Variants in GANC observed in about 807,000 individuals in gnomAD.
GANC encodes the protein glucosidase alpha, neutral C.
GANC carries 117 observed loss-of-function variants against 124.2 expected under a neutral mutation model. That is an observed-to-expected ratio of 0.94 (90% CI 0.81 to 1.10). The LOEUF (loss-of-function observed/expected upper bound fraction) is 1.10. GANC is among the 50% of genes least tolerant of loss of function. The probability of loss-of-function intolerance (pLI) is 0.00; values close to 1 mark genes in which losing one functional copy is unlikely to be tolerated. For missense variants in GANC, 1,140 were observed against 1,095.0 expected (o/e 1.04, Z -0.58); for synonymous variants, 377 against 376.8 (o/e 1.00, Z -0.01).
At position 42,284,062 on chromosome 15, in the gene GANC, C is replaced by T. The variant is rs527727492; in HGVS notation, c.202-3629C>T. 24 of 694,694 alleles carry T rather than the reference C, an allele frequency of 3.5e-5. No individual in the cohort carries two copies. In the Admixed American group the frequency reaches 4.0e-4, roughly 12 times the overall value. The allele number at this position is 694,694 out of a possible 1,614,324, so 43.0% of individuals were successfully genotyped here. A position where few individuals can be genotyped will look rare whatever the true frequency, so the allele number is the denominator to read the frequency against. On this transcript the variant is annotated intron_variant, in intron 3 of 23. Transcript: ENST00000318010. ...CTTGATCACAGCTGGTAGAGGTGGC[C>T]ACTCACTGTTCTATGTCTTTTAGGT...
chr15:42,289,869 A>C (rs1171075042), intron 4 of GANC, among the ~76,000 whole-genome samples: 1 of 152,210 alleles, frequency 6.6e-6, no homozygotes, highest in Non-Finnish European at 1.5e-5. Context: ...GCTCTAATCC[A>C]TTATACCTGG....
chr15:42,329,430 A>T lies in GANC; in HGVS notation c.1625A>T (p.Asn542Ile). 6.2e-7 allele frequency: 1 copy of T among 1,610,982 alleles called. No homozygotes were observed. The highest frequency in any genetic ancestry group is 1.1e-5 in the South Asian group (1 of 90,424). ...AATTGGGAGCACAGAGAGCTCCACA[A>T]CATCTACGGTTTTTATCATGTAAGA... ...HGNWEHRELH[N>I]IYGFYHQMAT... Residue 542 changes from asparagine (N) to isoleucine (I), a missense_variant, in exon 14 of 24, where the codon AAC becomes ATC. By Grantham distance (149) the Asn-to-Ile change is moderately radical. Coordinates refer to ENST00000318010, the MANE Select transcript of GANC (RefSeq NM_198141.3).
rs369278614 is a variant in GANC at position 42,290,068 on chromosome 15, A to G, written c.329+2250A>G. 2.4e-4 allele frequency among the ~76,000 whole-genome samples: 36 copies of G among 152,346 alleles called. No homozygotes were observed. In the East Asian group the frequency reaches 4.0e-3, roughly 17 times the overall value. ...TGAGAAAATAAATTTCTGTTGTTCA[A>G]GCTACCCAGTTTCTGATATTTTCTT... On this transcript the variant is annotated intron_variant, in intron 4 of 23. Transcript: ENST00000318010.
At chr15:42,315,112 G>A (rs1182647081) in intron 10 of GANC, among the ~76,000 whole-genome samples, 1 of 152,020 alleles carries the variant, frequency 6.6e-6, no homozygotes, top group Non-Finnish European at 1.5e-5. Context: ...CCTATCCTTT[G>A]TGCTCAACTT....
intron 22 of GANC, among the ~76,000 whole-genome samples, chr15:42,350,522 G>T (rs184425841): frequency 6.8e-6 from 1 of 148,000 alleles, no homozygotes; most frequent in East Asian, 2.0e-4. Context: ...TTGGCCACCA[G>T]TTAGCTGTTC....
At chr15:42,305,976 G>A (rs1320015360) in intron 6 of GANC, among the ~76,000 whole-genome samples, 2 of 151,888 alleles carry the variant, frequency 1.3e-5, no homozygotes, top group African/African-American at 4.8e-5. Context: ...ATAGCATTAG[G>A]AGTAATACCT....
At chr15:42,343,621 C>T (rs2052343354) in intron 19 of GANC, among the ~76,000 whole-genome samples, 2 of 152,180 alleles carry the variant, frequency 1.3e-5, no homozygotes, top group Non-Finnish European at 2.9e-5. Flanking sequence ...CTCCCACATT[C>T]CTCTGCTCTT....
intron 12 of GANC, among the ~76,000 whole-genome samples, chr15:42,326,651 A>C (rs1390532517): frequency 3.9e-5 from 6 of 152,222 alleles, no homozygotes; most frequent in African/African-American, 1.4e-4. Context: ...TGAATGAAAA[A>C]TAAACAAGCA....
intron 3 of GANC, among the ~76,000 whole-genome samples, chr15:42,283,267 T>G (rs887664515): frequency 3.3e-5 from 5 of 152,240 alleles, no homozygotes; most frequent in African/African-American, 1.2e-4. Flanking sequence ...TATAGTGTTG[T>G]GCTTATTCCT....
At chr15:42,275,456 G>A (rs2051659571) in intron 1 of GANC, among the ~76,000 whole-genome samples, 1 of 152,184 alleles carries the variant, frequency 6.6e-6, no homozygotes, top group African/African-American at 2.4e-5. Flanking sequence ...GTATGGCCAA[G>A]TATATCTGCC....
intron 3 of GANC, among the ~76,000 whole-genome samples, chr15:42,285,892 C>T (rs1240575889): frequency 6.6e-6 from 1 of 152,156 alleles, no homozygotes; most frequent in East Asian, 1.9e-4. Flanking sequence ...TGAGGATTAA[C>T]TCTGATTTAT....
intron 16 of GANC, among the ~76,000 whole-genome samples, chr15:42,339,448 C>G (rs943523342): frequency 6.6e-6 from 1 of 151,974 alleles, no homozygotes; most frequent in Non-Finnish European, 1.5e-5. Flanking sequence ...AAGCCTCTGA[C>G]CTTTCGACAA....
chr15:42,349,478 C>T lies in GANC; in HGVS notation c.2514C>T (p.Ser838=). The T allele has an allele frequency of 6.2e-7, 1 of 1,606,610 alleles. No individual in the cohort carries two copies. Among genetic ancestry groups the T allele is most frequent in the Non-Finnish European group, 8.5e-7 (1 of 1,173,310 alleles). Reference sequence around the variant, plus strand: ...TGCACAGGAAGTTTTCATTCTGTTCCAGTGTTCTGATCAATAGGTAATGGC... The same window carrying T: ...TGCACAGGAAGTTTTCATTCTGTTCTAGTGTTCTGATCAATAGGTAATGGC... ...QFLHRKFSFC[S]SVLINSFADQ... Residue 838 remains serine (S), a synonymous_variant, in exon 22 of 24, where the codon TCC becomes TCT. Coordinates refer to ENST00000318010, the MANE Select transcript of GANC (RefSeq NM_198141.3).
At position 42,273,387 on chromosome 15, in the gene GANC, A is replaced by G; in HGVS notation, c.-1095A>G. Reference sequence around the variant, plus strand: ...TGACAGGCAACACCTGAAGCCACGCAGCCGCCGCCATCTTCACAGCCGTGG... The same window carrying G: ...TGACAGGCAACACCTGAAGCCACGCGGCCGCCGCCATCTTCACAGCCGTGG... On this transcript the variant is annotated 5_prime_UTR_variant, in exon 1 of 24. Transcript: ENST00000318010. 1 of 1,614,048 alleles carries G rather than the reference A, an allele frequency of 6.2e-7. No homozygotes were observed. The highest frequency in any genetic ancestry group is 8.5e-7 in the Non-Finnish European group (1 of 1,180,024).
At chr15:42,334,414 G>A (rs928328355) in intron 15 of GANC, among the ~76,000 whole-genome samples, 10 of 152,042 alleles carry the variant, frequency 6.6e-5, no homozygotes, top group African/African-American at 1.9e-4. Flanking sequence ...TGCCCTCCTC[G>A]GCTTCACAAA....
At chr15:42,320,897 C>G (rs536923635) in intron 10 of GANC, among the ~76,000 whole-genome samples, 1 of 152,308 alleles carries the variant, frequency 6.6e-6, no homozygotes, top group African/African-American at 2.4e-5. Context: ...GCTTCCCTGG[C>G]TTTGGCCAAC....
chr15:42,292,953 A>G, intron 5 of GANC, 36 bp downstream of exon 5: 1 of 1,579,132 alleles, frequency 6.3e-7, no homozygotes, highest in Non-Finnish European at 8.7e-7. Flanking sequence ...TAAAGACCTT[A>G]ACATAACCTG....
rs948300017 is a variant in GANC at position 42,334,254 on chromosome 15, C to T, written c.1741+3582C>T. 1.5e-4 allele frequency among the ~76,000 whole-genome samples: 23 copies of T among 151,918 alleles called. 1 individual carries two copies. The highest frequency in any genetic ancestry group is 1.3e-4 in the Admixed American group (2 of 15,266). ...TCAGATCACTGCAACCTCCACCTCC[C>T]GGGTTCAAGTGATTCTCCTGCCTCA... On this transcript the variant is annotated intron_variant, in intron 15 of 23. Coordinates refer to ENST00000318010, the MANE Select transcript of GANC (RefSeq NM_198141.3).
chr15:42,324,404 T>A (rs2141059045), intron 11 of GANC, among the ~76,000 whole-genome samples: 1 of 152,294 alleles, frequency 6.6e-6, no homozygotes, highest in South Asian at 2.1e-4. Context: ...ATGGAATTAC[T>A]GTATGATCCA....
Sources: gnomAD v4.1 joint callset for allele counts (sites outside exome capture counted in the v4.1 genomes callset) on GRCh38, gnomAD v4.1.1 for gene constraint, MANE v1.5 for transcripts, NCBI Gene and HGNC (gene_info 2026-07-23, HGNC 2026-07-21) for gene names.